ABCA4: variants seen among roughly 807,000 people sequenced by gnomAD.
ABCA4 encodes the protein ATP binding cassette subfamily A member 4.
ABCA4 carries 196 observed loss-of-function variants against 263.7 expected under a neutral mutation model. The ratio of observed to expected loss-of-function variants is 0.74; its 90% CI spans 0.66 to 0.84. The LOEUF (loss-of-function observed/expected upper bound fraction) is 0.84. ABCA4 is among the 40% of genes least tolerant of loss of function. The pLI is 0.00. For missense variants in ABCA4, 2,792 were observed against 2,855.1 expected, an observed-to-expected ratio of 0.98 and a Z score of 0.50; for synonymous variants, 1,133 against 1,094.2, an observed-to-expected ratio of 1.04 and a Z score of -0.70.
In ABCA4 at chr1:94,040,017, C is replaced by T. The variant is rs371375477; in HGVS notation, c.3607+26G>A. Reference sequence around the variant, plus strand: ...CTGGGAGATGGCTGCCAGACGGAACCCAAGTATGGCCCGTCCAGTCCTTAC... The same window carrying T: ...CTGGGAGATGGCTGCCAGACGGAACTCAAGTATGGCCCGTCCAGTCCTTAC... On this transcript the variant is annotated intron_variant, in intron 24 of 49. Coordinates refer to ENST00000370225, the MANE Select transcript of ABCA4 (RefSeq NM_000350.3). 3 of 1,575,240 alleles carry T rather than the reference C, an allele frequency of 1.9e-6. No homozygotes were observed. The African/African-American group carries it at 4.0e-5, about 21-fold the overall frequency.
rs781456296 is a variant in ABCA4 at position 94,079,448 on chromosome 1, A to C, written c.1113T>G (p.Asn371Lys). 6.2e-7 allele frequency: 1 copy of C among 1,614,238 alleles called. No individual in the cohort carries two copies. The highest frequency in any genetic ancestry group is 1.1e-5 in the South Asian group (1 of 91,090). ...SYDRRTTSFC[N>K]ALIQSLESNP... ...TTGACTCCAGGCTCTGGATCAATGCATTACAAAAGGATGCTGCCAGGAGAC... is the reference window on the plus strand; with the variant it reads ...TTGACTCCAGGCTCTGGATCAATGCCTTACAAAAGGATGCTGCCAGGAGAC... Residue 371 changes from asparagine (N) to lysine (K), a missense_variant, in exon 9 of 50, where the codon AAT becomes AAG. Physicochemically the swap from Asn to Lys is moderately conservative, Grantham distance 94. Transcript: ENST00000370225.
At chr1:94,056,486 A>G in intron 15 of ABCA4, 115 bp downstream of exon 15, 2 of 1,169,668 alleles carry the variant, frequency 1.7e-6, no homozygotes, top group Non-Finnish European at 2.5e-6. Context: ...GAACTTTTTA[A>G]CCTTAGGTCA....
intron 26 of ABCA4, 115 bp from the exon 27 acceptor site, chr1:94,032,158 G>A (rs1660225556): frequency 2.4e-6 from 3 of 1,251,212 alleles, no homozygotes; most frequent in East Asian, 2.3e-5. Context: ...AGTCAGCAAT[G>A]AAATACCAGG....
chr1:93,996,258 C>A (rs1659000644), intron 48 of ABCA4, 63 bp from the exon 49 acceptor site: 5 of 1,231,002 alleles, frequency 4.1e-6, no homozygotes, highest in Admixed American at 1.7e-5. Flanking sequence ...CCTACACCCA[C>A]CTACCCACTT....
At chr1:94,066,655 C>A (rs187493815) in intron 11 of ABCA4, among the ~76,000 whole-genome samples, 51 of 152,350 alleles carry the variant, frequency 3.3e-4, no homozygotes, top group Middle Eastern at 3.4e-3. Context: ...CAATCTAGGT[C>A]AGAAGCAGAG....
rs1662941329 is a variant in ABCA4 at position 94,121,117 on chromosome 1, T to G, written c.-72A>C. The G allele has an allele frequency of 7.0e-7, 1 of 1,421,592 alleles. No homozygotes were observed. Among genetic ancestry groups the G allele is most frequent in the Non-Finnish European group, 1.0e-6 (1 of 1,004,676 alleles). The allele number at this position is 1,421,592 out of a possible 1,614,324, so 88.1% of individuals were successfully genotyped here. On this transcript the variant is annotated 5_prime_UTR_variant, in exon 1 of 50. Coordinates refer to ENST00000370225, the MANE Select transcript of ABCA4 (RefSeq NM_000350.3). ...AGACAGCAAAGGACATAAACGCCGT[T>G]AAGAGCGCCTCTGGCTCCGGACGCT...
At chr1:94,036,850 C>A in intron 25 of ABCA4, 62 bp from the exon 26 acceptor site, 1 of 1,539,720 alleles carries the variant, frequency 6.5e-7, no homozygotes. Context: ...AAAAATCTAA[C>A]CCAAGCTCTG....
intron 49 of ABCA4, among the ~76,000 whole-genome samples, chr1:93,994,932 C>G (rs575807713): frequency 7.2e-4 from 109 of 152,274 alleles, no homozygotes; most frequent in African/African-American, 2.4e-3. Context: ...TTCTGGGAAA[C>G]AATTTTGCTA....
chr1:94,062,638 C>T lies in ABCA4; in HGVS notation c.1876G>A (p.Ala626Thr). Residue 626 changes from alanine to threonine, a missense_variant, in exon 13 of 50, where the codon GCG becomes ACG. By Grantham distance (58) the Ala-to-Thr change is moderately conservative. Coordinates refer to ENST00000370225, the MANE Select transcript of ABCA4 (RefSeq NM_000350.3). ...AGGTAGATTCCAACTGGAGCCTCCG[C>T]CTGCACCTGGCTCCTTGTGATCCCC... ...EQGITRSQVQ[A>T]EAPVGIYLQQ... 1 of 1,614,182 alleles carries T rather than the reference C, an allele frequency of 6.2e-7. No homozygotes were observed. Among genetic ancestry groups the T allele is most frequent in the Non-Finnish European group, 8.5e-7 (1 of 1,180,036 alleles).
chr1:94,079,515 A>G, intron 8 of ABCA4, 54 bp from the exon 9 acceptor site: 1 of 1,611,612 alleles, frequency 6.2e-7, no homozygotes, highest in Non-Finnish European at 8.5e-7. Context: ...CTTGTAACTC[A>G]ATATAGTCAT....
intron 8 of ABCA4, 69 bp downstream of exon 8, chr1:94,080,409 T>C: frequency 1.2e-6 from 2 of 1,601,818 alleles, no homozygotes; most frequent in Non-Finnish European, 8.5e-7. Context: ...TGGTTTCACC[T>C]AGAAGTGTTA....
At chr1:94,024,485 A>T (rs765277708) in intron 31 of ABCA4, among the ~76,000 whole-genome samples, 12 of 152,134 alleles carry the variant, frequency 7.9e-5, no homozygotes, top group South Asian at 2.1e-4. Context: ...CGTGTGCTGG[A>T]CTCAGACACT....
intron 1 of ABCA4, among the ~76,000 whole-genome samples, chr1:94,115,161 C>A (rs768832993): frequency 1.6e-4 from 25 of 152,196 alleles, no homozygotes; most frequent in Non-Finnish European, 2.9e-4. Context: ...AGTAAGATAG[C>A]AACGTTGAGT....
rs1327990482 is a variant in ABCA4 at position 94,108,632 on chromosome 1, T to C, written c.387A>G (p.Leu129=). ...TGTCCATGAATTGGGACAAGATGTG[T>C]AGCTCTGTCCAAATACGGCCAAGGT... ...SQHLGRIWTE[L]HILSQFMDTL... is the part of the protein sequence containing the mutation. The change falls in exon 4 of 50, where the codon CTA becomes CTG. Residue 129 remains leucine (L), a synonymous_variant. Coordinates refer to ENST00000370225, the MANE Select transcript of ABCA4 (RefSeq NM_000350.3). The C allele has an allele frequency of 6.8e-6, 11 of 1,613,884 alleles. No individual in the cohort carries two copies. The highest frequency in any genetic ancestry group is 8.5e-6 in the Non-Finnish European group (10 of 1,180,014).
rs189725797 is a variant in ABCA4 at position 94,110,521 on chromosome 1, C to T, written c.302+917G>A. On this transcript the variant is annotated intron_variant, in intron 3 of 49. Coordinates refer to ENST00000370225, the MANE Select transcript of ABCA4 (RefSeq NM_000350.3). ...AGGTCGGGTAAAGCCTGCTCCCCAA[C>T]AGGCCTTTGCTGGTGGCCTTCAGGT... Among the ~76,000 whole-genome samples, 583 of 152,350 alleles carry T rather than the reference C, an allele frequency of 3.8e-3. 7 individuals are homozygous for T. The highest frequency in any genetic ancestry group is 0.017 in the South Asian group (82 of 4,830).
intron 14 of ABCA4, 25 bp downstream of exon 14, chr1:94,060,512 T>C (rs370956260): frequency 1.1e-5 from 17 of 1,605,052 alleles, no homozygotes; most frequent in Non-Finnish European, 1.4e-5. Flanking sequence ...TTCAAGATTT[T>C]CTGGGCCTTC....
chr1:94,043,352 C>T lies in ABCA4; in HGVS notation c.3174G>A (p.Glu1058=). The change falls in exon 21 of 50, where the codon GAG becomes GAA. Residue 1058 remains glutamate (E), a synonymous_variant. Transcript: ENST00000370225. ...TCTGAGCACCTGATAGGTCCTGAGCCTCTTCATTCCGCTTGTGGTGGAGGC... is the reference window on the plus strand; with the variant it reads ...TCTGAGCACCTGATAGGTCCTGAGCTTCTTCATTCCGCTTGTGGTGGAGGC... ...DTGLHHKRNE[E]AQDLSGGMQR... 1.2e-6 allele frequency: 2 copies of T among 1,614,086 alleles called. No homozygotes were observed. Among genetic ancestry groups the T allele is most frequent in the Non-Finnish European group, 1.7e-6 (2 of 1,180,008 alleles).
At chr1:94,037,034 G>T in intron 25 of ABCA4, 111 bp downstream of exon 25, 1 of 1,168,790 alleles carries the variant, frequency 8.6e-7, no homozygotes, top group Non-Finnish European at 1.3e-6. Context: ...CTATGCTTGG[G>T]TGGGGAACGA....
intron 29 of ABCA4, 87 bp from the exon 30 acceptor site, chr1:94,029,718 C>T (rs1571263598): frequency 1.5e-6 from 2 of 1,294,424 alleles, no homozygotes; most frequent in Non-Finnish European, 2.2e-6. Context: ...CAACCCTTTC[C>T]TCCTCCTCTT....
Sources: gnomAD v4.1 joint callset for allele counts (sites outside exome capture counted in the v4.1 genomes callset) on GRCh38, gnomAD v4.1.1 for gene constraint, MANE v1.5 for transcripts, NCBI Gene and HGNC (gene_info 2026-07-23, HGNC 2026-07-21) for gene names.